TAFA1: variants seen among roughly 807,000 people sequenced by gnomAD.
TAFA1 encodes the protein chemokine-like protein TAFA-1.
In TAFA1, 4 loss-of-function variants were observed where a neutral mutation model predicts 18.5. That is an observed-to-expected ratio of 0.22 (90% CI 0.11 to 0.49). The LOEUF is 0.49. TAFA1 is among the 20% of genes least tolerant of loss of function. TAFA1 has a pLI of 0.98. For missense variants in TAFA1, 147 were observed against 169.0 expected, an observed-to-expected ratio of 0.87 and a Z score of 0.72; for synonymous variants, 56 against 55.2, an observed-to-expected ratio of 1.01 and a Z score of -0.06.
intron 2 of TAFA1, among the ~76,000 whole-genome samples, chr3:68,124,117 T>G (rs547865628): frequency 1.3e-5 from 2 of 152,246 alleles, no homozygotes; most frequent in East Asian, 3.9e-4. Context: ...TTTGAGGGTT[T>G]CTTTTTTTTA....
intron 2 of TAFA1, among the ~76,000 whole-genome samples, chr3:68,090,744 T>C (rs375853968): frequency 6.6e-6 from 1 of 152,156 alleles, no homozygotes; most frequent in African/African-American, 2.4e-5. Flanking sequence ...TGCCTTTTAC[T>C]TGGGTGAGAG....
intron 2 of TAFA1, among the ~76,000 whole-genome samples, chr3:68,283,882 C>T (rs2067948050): frequency 6.6e-6 from 1 of 152,144 alleles, no homozygotes; most frequent in Admixed American, 6.5e-5. Flanking sequence ...TTGAATCCTC[C>T]TGGATAAATG....
chr3:68,315,297 A>G (rs72626966), intron 2 of TAFA1, among the ~76,000 whole-genome samples: 3,941 of 152,294 alleles, frequency 0.026, 91 homozygotes, highest in East Asian at 0.098. Flanking sequence ...GTTACCAAGT[A>G]CATGCTTGAT....
intron 2 of TAFA1, among the ~76,000 whole-genome samples, chr3:68,383,353 T>C (rs774315850): frequency 1.1e-4 from 16 of 152,174 alleles, no homozygotes; most frequent in Non-Finnish European, 1.6e-4. Context: ...TTTTGAGGTA[T>C]GTTCCTTCAA....
chr3:68,382,598 A>G (rs1402705616), intron 2 of TAFA1, among the ~76,000 whole-genome samples: 1 of 152,032 alleles, frequency 6.6e-6, no homozygotes, highest in African/African-American at 2.4e-5. Flanking sequence ...TTGTAGTAGT[A>G]CCATGCTGTT....
intron 2 of TAFA1, among the ~76,000 whole-genome samples, chr3:68,270,863 A>G (rs1485055028): frequency 2.0e-5 from 3 of 152,190 alleles, no homozygotes; most frequent in South Asian, 2.1e-4. Context: ...TTTAGCATAC[A>G]TGAGCTTTTG....
intron 2 of TAFA1, among the ~76,000 whole-genome samples, chr3:68,125,373 G>A (rs200433419): frequency 6.6e-6 from 1 of 152,066 alleles, no homozygotes; most frequent in Non-Finnish European, 1.5e-5. Flanking sequence ...TTTTGCTATT[G>A]TTATTATTAC....
rs558272504 is a variant in TAFA1, at chr3:68,244,002, C to T, written c.119-173278C>T. ...TTCAGATATATGTGTAGTGAAGTCT[C>T]ATTGTGGTTTTAATTTGCATTTTCC... On this transcript the variant is annotated intron_variant, in intron 2 of 4. Transcript: ENST00000478136. 3.3e-5 allele frequency among the ~76,000 whole-genome samples: 5 copies of T among 152,262 alleles called. No homozygotes were observed. In the South Asian group the frequency reaches 1.0e-3, roughly 32 times the overall value.
In TAFA1 at chr3:68,380,775, T is replaced by G. The variant is rs890141342; in HGVS notation, c.119-36505T>G. ...CTGTGCAGAAGCTCTTTAGTTTAAT[T>G]AGATCCCATTTGTCAATTTTGGCTT... is the stretch of plus-strand genomic sequence containing the variant. On this transcript the variant is annotated intron_variant, in intron 2 of 4. Transcript: ENST00000478136. 4.6e-5 allele frequency among the ~76,000 whole-genome samples: 7 copies of G among 151,826 alleles called. No individual in the cohort carries two copies. The East Asian group carries it at 5.8e-4, about 13-fold the overall frequency.
chr3:68,490,051 GT>G (rs1224622870), intron 3 of TAFA1, among the ~76,000 whole-genome samples: 1 of 152,200 alleles, frequency 6.6e-6, no homozygotes, highest in African/African-American at 2.4e-5. Context: ...AATAGCATTT[GT>G]TGCCAATGAT....
intron 2 of TAFA1, among the ~76,000 whole-genome samples, chr3:68,274,169 A>G (rs1257107636): frequency 6.6e-6 from 1 of 152,202 alleles, no homozygotes; most frequent in Non-Finnish European, 1.5e-5. Flanking sequence ...AGTTGTGTGC[A>G]TGAATTTCCA....
At chr3:68,407,913 A>G (rs1317858835) in intron 2 of TAFA1, among the ~76,000 whole-genome samples, 2 of 152,150 alleles carry the variant, frequency 1.3e-5, no homozygotes, top group Admixed American at 6.6e-5. Context: ...CCTCAACCAA[A>G]ACATGCTTAA....
At chr3:68,007,610 C>T (rs1279070135) in intron 2 of TAFA1, among the ~76,000 whole-genome samples, 1 of 151,720 alleles carries the variant, frequency 6.6e-6, no homozygotes, top group Admixed American at 6.6e-5. Flanking sequence ...CCCCACCTCC[C>T]TCCCTCCCCT....
intron 2 of TAFA1, among the ~76,000 whole-genome samples, chr3:68,107,032 A>G (rs2065211969): frequency 6.6e-6 from 1 of 152,196 alleles, no homozygotes; most frequent in Admixed American, 6.6e-5. Context: ...AGTTTCTTAT[A>G]AAGTAAAATA....
intron 3 of TAFA1, among the ~76,000 whole-genome samples, chr3:68,477,316 T>G (rs2072118316): frequency 6.6e-6 from 1 of 152,190 alleles, no homozygotes; most frequent in African/African-American, 2.4e-5. Flanking sequence ...AAATTTACTC[T>G]ACTTTTGATG....
intron 2 of TAFA1, among the ~76,000 whole-genome samples, chr3:68,231,802 C>G (rs1038238334): frequency 1.3e-5 from 2 of 152,166 alleles, no homozygotes; most frequent in African/African-American, 2.4e-5. Context: ...TAGGGCCTTT[C>G]CATCATCCCA....
At position 68,222,150 on chromosome 3, in the gene TAFA1, C is replaced by A. The variant is rs375489792; in HGVS notation, c.119-195130C>A. Among the ~76,000 whole-genome samples the A allele has an allele frequency of 1.6e-3, 250 of 151,686 alleles. 1 individual carries two copies. Among genetic ancestry groups the A allele is most frequent in the African/African-American group, 5.4e-3 (223 of 41,394 alleles). ...TTCTGATTTACAAGTTAAACGTTAA[C>A]ACATGCAATGCCACCCATTTTTAGA... is the stretch of plus-strand genomic sequence containing the variant. On this transcript the variant is annotated intron_variant, in intron 2 of 4. Transcript: ENST00000478136.
intron 2 of TAFA1, among the ~76,000 whole-genome samples, chr3:68,291,589 T>C (rs989900996): frequency 1.3e-5 from 2 of 152,026 alleles, no homozygotes. Context: ...TGACAGAATC[T>C]TGTGAAAACG....
chr3:68,370,418 A>ACC (rs2069669956), intron 2 of TAFA1, among the ~76,000 whole-genome samples: 1 of 71,904 alleles, frequency 1.4e-5, no homozygotes, highest in African/African-American at 5.5e-5. Context: ...ATATATATGT[A>ACC]CACACACACA....
Sources: gnomAD v4.1 joint callset for allele counts (sites outside exome capture counted in the v4.1 genomes callset) on GRCh38, gnomAD v4.1.1 for gene constraint, MANE v1.5 for transcripts, NCBI Gene and HGNC (gene_info 2026-07-23, HGNC 2026-07-21) for gene names.